Variants in CADPS2 observed in about 807,000 individuals in gnomAD.
The protein encoded by CADPS2 is calcium-dependent secretion activator 2.
Under a neutral mutation model 172.5 loss-of-function variants are expected in CADPS2, and 93 were observed. The observed-to-expected ratio is 0.54, with a 90% CI of 0.46 to 0.64. CADPS2 has a LOEUF of 0.64. Ranked by LOEUF, CADPS2 falls within the 30% of genes least tolerant of loss-of-function variation. The probability of loss-of-function intolerance (pLI) is 0.00; values close to 1 mark genes in which losing one functional copy is unlikely to be tolerated. For missense variants in CADPS2, 1,420 were observed against 1,565.9 expected (o/e 0.91, Z 1.57); for synonymous variants, 546 against 555.2 (o/e 0.98, Z 0.23).
intron 8 of CADPS2, among the ~76,000 whole-genome samples, chr7:122,535,682 T>C (rs1033381374): frequency 1.3e-5 from 2 of 152,052 alleles, no homozygotes; most frequent in South Asian, 2.1e-4. Flanking sequence ...AAAACAAATA[T>C]ATATTTGGAT....
intron 1 of CADPS2, among the ~76,000 whole-genome samples, chr7:122,812,768 C>A (rs1010196075): frequency 1.3e-5 from 2 of 152,118 alleles, no homozygotes; most frequent in South Asian, 4.1e-4. Flanking sequence ...AATAATACAG[C>A]CCCTACCACC....
chr7:122,486,864 A>T (rs1384345145), intron 11 of CADPS2, among the ~76,000 whole-genome samples: 1 of 152,120 alleles, frequency 6.6e-6, no homozygotes, highest in Non-Finnish European at 1.5e-5. Context: ...AGCAGCCATC[A>T]ATGTTGAGGC....
intron 7 of CADPS2, among the ~76,000 whole-genome samples, chr7:122,560,900 T>A (rs1444088674): frequency 6.6e-6 from 1 of 152,162 alleles, no homozygotes; most frequent in Non-Finnish European, 1.5e-5. Flanking sequence ...ATTTAGCAGA[T>A]GTTAATAACC....
At chr7:122,667,572 G>A (rs1424005881) in intron 2 of CADPS2, among the ~76,000 whole-genome samples, 2 of 152,142 alleles carry the variant, frequency 1.3e-5, no homozygotes, top group East Asian at 1.9e-4. Context: ...CAAAGACCTT[G>A]CCCTCAATCA....
chr7:122,582,518 G>A (rs2068980594), intron 6 of CADPS2, among the ~76,000 whole-genome samples: 1 of 151,848 alleles, frequency 6.6e-6, no homozygotes, highest in African/African-American at 2.4e-5. Flanking sequence ...TTCCAGAATG[G>A]GGTTAGCAAA....
intron 28 of CADPS2, among the ~76,000 whole-genome samples, chr7:122,336,079 CTTA>C (rs2035810126): frequency 6.6e-6 from 1 of 152,164 alleles, no homozygotes; most frequent in Non-Finnish European, 1.5e-5. Context: ...AGGGTTCTCT[CTTA>C]CAGGTTAGGT....
intron 24 of CADPS2, among the ~76,000 whole-genome samples, chr7:122,379,760 C>T: frequency 6.6e-6 from 1 of 151,902 alleles, no homozygotes. Context: ...TTAAGGTGGC[C>T]ATGTATTTTT....
At chr7:122,554,720 G>A (rs372983907) in intron 7 of CADPS2, 31 bp from the exon 8 acceptor site, 25 of 1,555,548 alleles carry the variant, frequency 1.6e-5, no homozygotes, top group South Asian at 3.6e-5. Context: ...ACATTTAAAC[G>A]CATGATACGG....
chr7:122,328,715 T>C (rs17144227), intron 28 of CADPS2: 22,874 of 152,160 alleles, frequency 0.15, 1,762 homozygotes, highest in African/African-American at 0.16. Flanking sequence ...GATATCTCTT[T>C]TAAAGCAAAA....
intron 22 of CADPS2, 44 bp downstream of exon 22, chr7:122,393,152 G>T: frequency 6.2e-7 from 1 of 1,604,220 alleles, no homozygotes; most frequent in Non-Finnish European, 8.5e-7. Flanking sequence ...CCCAGGCCAT[G>T]CACCAGCTAA....
rs768801487 is a variant in CADPS2, at chr7:122,327,336, C to T, written c.3613-1755G>A. Among the ~76,000 whole-genome samples the T allele has an allele frequency of 3.2e-4, 48 of 152,142 alleles. 1 individual carries two copies. The highest frequency in any genetic ancestry group is 5.4e-4 in the Non-Finnish European group (37 of 67,944). ...TGAATATGAGTACAGTCAATTGAGG[C>T]CCTTCTACCACACCACACTCTAGAT... On this transcript the variant is annotated intron_variant, in intron 28 of 29. Coordinates refer to ENST00000449022, the MANE Select transcript of CADPS2 (RefSeq NM_017954.11).
chr7:122,641,033 T>A (rs11766231), intron 3 of CADPS2, among the ~76,000 whole-genome samples: 31,007 of 151,982 alleles, frequency 0.2, 3,940 homozygotes, highest in Middle Eastern at 0.3. Flanking sequence ...GGGATTGTAA[T>A]AGAGATCAGA....
At chr7:122,828,713 A>G (rs1031921564) in intron 1 of CADPS2, among the ~76,000 whole-genome samples, 1 of 152,156 alleles carries the variant, frequency 6.6e-6, no homozygotes, top group African/African-American at 2.4e-5. Context: ...TTTAAGCAAA[A>G]GTCTGTTAGC....
At chr7:122,323,422 A>C (rs1231531803) in intron 29 of CADPS2, among the ~76,000 whole-genome samples, 1 of 152,140 alleles carries the variant, frequency 6.6e-6, no homozygotes, top group African/African-American at 2.4e-5. Context: ...ATAATTAATA[A>C]AATTATTGTT....
intron 8 of CADPS2, among the ~76,000 whole-genome samples, chr7:122,537,283 C>CAA (rs376655551): frequency 3.6e-5 from 5 of 137,196 alleles, no homozygotes; most frequent in African/African-American, 1.1e-4. Flanking sequence ...GTAATACAAG[C>CAA]AAAAAAAAAA....
At chr7:122,571,433 T>C (rs943678138) in intron 7 of CADPS2, among the ~76,000 whole-genome samples, 26 of 152,114 alleles carry the variant, frequency 1.7e-4, no homozygotes, top group African/African-American at 1.2e-4. Context: ...AAGGACACCA[T>C]AGAGGATGCT....
At chr7:122,680,294 A>C (rs376144676) in intron 2 of CADPS2, among the ~76,000 whole-genome samples, 1 of 152,252 alleles carries the variant, frequency 6.6e-6, no homozygotes, top group Non-Finnish European at 1.5e-5. Flanking sequence ...TATCTAAAAA[A>C]TAAATTTTGT....
chr7:122,585,129 C>A (rs1297830104), intron 6 of CADPS2, among the ~76,000 whole-genome samples: 1 of 151,898 alleles, frequency 6.6e-6, no homozygotes, highest in Non-Finnish European at 1.5e-5. Flanking sequence ...ACCAGCAGAT[C>A]CTGACTGCAG....
At chr7:122,832,266 GA>G (rs1174617983) in intron 1 of CADPS2, among the ~76,000 whole-genome samples, 1 of 130,092 alleles carries the variant, frequency 7.7e-6, no homozygotes, top group Non-Finnish European at 1.7e-5. Context: ...GTAAAACAGA[GA>G]AAAAAAACTG....
Sources: gnomAD v4.1 joint callset for allele counts (sites outside exome capture counted in the v4.1 genomes callset) on GRCh38, gnomAD v4.1.1 for gene constraint, MANE v1.5 for transcripts, NCBI Gene and HGNC (gene_info 2026-07-23, HGNC 2026-07-21) for gene names.